Variants in AVEN observed in about 807,000 individuals in gnomAD.
AVEN encodes the protein cell death regulator Aven.
AVEN carries 41 observed loss-of-function variants against 38.1 expected under a neutral mutation model. The observed-to-expected ratio is 1.08, with a 90% confidence interval of 0.84 to 1.40. The LOEUF (loss-of-function observed/expected upper bound fraction) is 1.40. Ranked by LOEUF, AVEN falls within the 40% of genes most tolerant of loss-of-function variation. AVEN has a pLI of 0.00. For missense variants in AVEN, 605 were observed against 438.8 expected, an observed-to-expected ratio of 1.38 and a Z score of -3.38; for synonymous variants, 206 against 171.8, an observed-to-expected ratio of 1.20 and a Z score of -1.56.
Position 33,989,002 on chromosome 15 carries a change from T to C in AVEN, c.445+14030A>G, listed in dbSNP as rs202098606. Among the ~76,000 whole-genome samples the C allele has an allele frequency of 2.3e-3, 344 of 152,322 alleles. 9 individuals are homozygous for C. In the South Asian group the frequency reaches 0.065, roughly 29 times the overall value. Reference sequence around the variant, plus strand: ...TTTACAGCTTGGAAAACACAAATTATTAAACCATTTCTCAGGCTTCTTTTG... The same window carrying C: ...TTTACAGCTTGGAAAACACAAATTACTAAACCATTTCTCAGGCTTCTTTTG... On this transcript the variant is annotated intron_variant, in intron 2 of 5. Transcript: ENST00000306730.
chr15:33,924,460 T>C (rs1381490934), intron 2 of AVEN, among the ~76,000 whole-genome samples: 2 of 152,154 alleles, frequency 1.3e-5, no homozygotes, highest in South Asian at 2.1e-4. Flanking sequence ...CTCTGAACTA[T>C]AGGCATGTGC....
chr15:33,960,816 CAG>C (rs1895133352), intron 2 of AVEN, among the ~76,000 whole-genome samples: 1 of 152,086 alleles, frequency 6.6e-6, no homozygotes, highest in Admixed American at 6.5e-5. Flanking sequence ...TGTGTGGGAG[CAG>C]AGTTTATCCC....
intron 2 of AVEN, among the ~76,000 whole-genome samples, chr15:33,925,581 T>C (rs1213343887): frequency 6.6e-6 from 1 of 152,188 alleles, no homozygotes; most frequent in Non-Finnish European, 1.5e-5. Context: ...TTAATGGCTG[T>C]TAATTGCATA....
At chr15:33,875,808 A>G in intron 3 of AVEN, 117 bp downstream of exon 3, 1 of 962,060 alleles carries the variant, frequency 1.0e-6, no homozygotes, top group Non-Finnish European at 1.5e-6. Context: ...AGCTGAGGGT[A>G]CACTGTAAGA....
intron 2 of AVEN, among the ~76,000 whole-genome samples, chr15:33,905,400 A>T (rs1337969674): frequency 3.9e-5 from 6 of 152,250 alleles, no homozygotes; most frequent in African/African-American, 1.4e-4. Flanking sequence ...GATAATATAC[A>T]TAAAAGAGCT....
At position 34,063,418 on chromosome 15, in the gene AVEN, A is replaced by G; in HGVS notation, n.1141T>C. The G allele has an allele frequency of 6.2e-7, 1 of 1,613,776 alleles. No homozygotes were observed. Among genetic ancestry groups the G allele is most frequent in the Non-Finnish European group, 8.5e-7 (1 of 1,179,990 alleles). ...GACCTGGCTGACCTCCAGGGTTCTG[A>G]CTCTGTGACCAAAGCTGAGAAGAGA... is the stretch of plus-strand genomic sequence containing the variant. On this transcript the variant is annotated non_coding_transcript_exon_variant, in exon 5 of 12. Coordinates refer to the AVEN transcript ENST00000675287. The surrounding 1 kb of genome is among the most constrained non-coding windows in gnomAD (Gnocchi z 4.1).
At chr15:34,046,336 G>A (rs1899678746) in intron 5 of AVEN, among the ~76,000 whole-genome samples, 1 of 70,414 alleles carries the variant, frequency 1.4e-5, no homozygotes, top group African/African-American at 5.0e-5. Flanking sequence ...CCCAAAAAGT[G>A]AGGCAGGAAA....
chr15:33,952,794 T>G (rs1465605502), intron 2 of AVEN, among the ~76,000 whole-genome samples: 1 of 149,492 alleles, frequency 6.7e-6, no homozygotes, highest in African/African-American at 2.5e-5. Context: ...TACGAAGACA[T>G]CTACATATGC....
In AVEN at chr15:33,924,367, CA is replaced by C. The variant is rs1439645756; in HGVS notation, c.446-48373del. ...CCTAGGTGACAGAGCGAGACTGTCT[CA>C]AAAAAAAAAAAAAATTATTATTTTT... On this transcript the variant is annotated intron_variant, in intron 2 of 5. Coordinates refer to ENST00000306730, the MANE Select transcript of AVEN (RefSeq NM_020371.3). Among the ~76,000 whole-genome samples the C allele has an allele frequency of 1.8e-3, 234 of 133,450 alleles. 1 individual carries two copies. The highest frequency in any genetic ancestry group is 3.9e-3 in the Middle Eastern group (1 of 254). 87.5% of individuals were successfully genotyped at this position (133,450 alleles called of 152,430 possible).
At chr15:33,888,576 C>T (rs1376225097) in intron 2 of AVEN, among the ~76,000 whole-genome samples, 1 of 152,182 alleles carries the variant, frequency 6.6e-6, no homozygotes, top group Non-Finnish European at 1.5e-5. Context: ...AAAAGTGGAA[C>T]ATTCCTGGAT....
intron 2 of AVEN, among the ~76,000 whole-genome samples, chr15:33,899,883 G>A (rs898848686): frequency 6.0e-5 from 9 of 151,242 alleles, no homozygotes; most frequent in African/African-American, 1.9e-4. Flanking sequence ...TCCAGAGGTC[G>A]TACCAACTCA....
chr15:33,933,524 C>CACACACACAGAGAG (rs1893945145), intron 2 of AVEN, among the ~76,000 whole-genome samples: 18 of 46,648 alleles, frequency 3.9e-4, no homozygotes, highest in Admixed American at 6.3e-4. Flanking sequence ...CACACACACA[C>CACACACACAGAGAG]AGAGAGAGAG....
chr15:33,927,242 G>A (rs1214674068), intron 2 of AVEN, among the ~76,000 whole-genome samples: 3 of 151,162 alleles, frequency 2.0e-5, no homozygotes, highest in East Asian at 3.9e-4. Flanking sequence ...GTGACAGAGC[G>A]AGACTCCATC....
intron 2 of AVEN, among the ~76,000 whole-genome samples, chr15:33,943,299 G>A (rs139678519): frequency 6.6e-6 from 1 of 152,336 alleles, no homozygotes; most frequent in Non-Finnish European, 1.5e-5. Context: ...CCTGTCACAT[G>A]CTACAACATG....
At chr15:34,019,080 T>C (rs1898093386) in intron 1 of AVEN, among the ~76,000 whole-genome samples, 1 of 152,016 alleles carries the variant, frequency 6.6e-6, no homozygotes, top group Non-Finnish European at 1.5e-5. Context: ...TTCAATCCTT[T>C]AGCTAGACAC....
rs377263930 is a variant in AVEN at position 33,978,179 on chromosome 15, C to T, written c.445+24853G>A. Among the ~76,000 whole-genome samples, 274 of 152,232 alleles carry T rather than the reference C, an allele frequency of 1.8e-3. 6 individuals are homozygous for T. In the South Asian group the frequency reaches 0.054, roughly 30 times the overall value. ...ACATGAAGAAAGAGGAAATTTCTCT[C>T]TAGGCAGAACCAATGCAGACTGGCC... On this transcript the variant is annotated intron_variant, in intron 2 of 5. Coordinates refer to ENST00000306730, the MANE Select transcript of AVEN (RefSeq NM_020371.3).
intron 1 of AVEN, among the ~76,000 whole-genome samples, chr15:34,070,785 T>G (rs961027811): frequency 6.6e-6 from 1 of 152,340 alleles, no homozygotes; most frequent in East Asian, 1.9e-4. Flanking sequence ...CTGTTAAATA[T>G]TCACATTAAA....
At chr15:33,945,308 T>C (rs1362735955) in intron 2 of AVEN, among the ~76,000 whole-genome samples, 1 of 152,188 alleles carries the variant, frequency 6.6e-6, no homozygotes, top group Non-Finnish European at 1.5e-5. Flanking sequence ...AAATGGGCAT[T>C]ATGGGAAAAG....
the AVEN span, chr15:33,853,217 C>T: frequency 2.1e-6 from 2 of 941,314 alleles, no homozygotes; most frequent in Non-Finnish European, 3.1e-6. Flanking sequence ...AAGAGTAAGT[C>T]ACAGAAGGGG....
Sources: gnomAD v4.1 joint callset for allele counts (sites outside exome capture counted in the v4.1 genomes callset) on GRCh38, gnomAD v4.1.1 for gene constraint, Gnocchi (gnomAD v3.1) non-coding constraint, MANE v1.5 for transcripts, NCBI Gene and HGNC (gene_info 2026-07-23, HGNC 2026-07-21) for gene names.